CRTC1: variants seen among roughly 807,000 people sequenced by gnomAD.
CRTC1 encodes CREB-regulated transcription coactivator 1.
CRTC1 carries 18 observed loss-of-function variants against 66.1 expected under a neutral mutation model. That is an observed-to-expected ratio of 0.27 (90% confidence interval 0.19 to 0.40). CRTC1 has a LOEUF of 0.40. CRTC1 is among the 10% of genes least tolerant of loss of function. CRTC1 has a pLI of 1.00. For missense variants in CRTC1, 669 were observed against 887.9 expected (o/e 0.75, Z 3.13); for synonymous variants, 416 against 398.8 (o/e 1.04, Z -0.51).
intron 1 of CRTC1, among the ~76,000 whole-genome samples, chr19:18,723,099 C>A (rs182592590): frequency 1.3e-5 from 2 of 152,226 alleles, no homozygotes; most frequent in South Asian, 2.1e-4. Flanking sequence ...GGGCACCACT[C>A]CTGGCTAATT....
chr19:18,718,893 A>T (rs56311076), intron 1 of CRTC1, among the ~76,000 whole-genome samples: 15 of 152,304 alleles, frequency 9.8e-5, no homozygotes, highest in Non-Finnish European at 1.8e-4. Context: ...TATTTTAAAT[A>T]GGATGGAAGC....
At chr19:18,729,247 A>T (rs1275299711) in intron 1 of CRTC1, among the ~76,000 whole-genome samples, 2 of 149,654 alleles carry the variant, frequency 1.3e-5, no homozygotes, top group Non-Finnish European at 3.0e-5. Context: ...AACGTGGTAA[A>T]ACCCTGTCTC....
chr19:18,733,398 G>A (rs572546753), intron 1 of CRTC1, among the ~76,000 whole-genome samples: 7 of 152,328 alleles, frequency 4.6e-5, no homozygotes, highest in Admixed American at 2.6e-4. Flanking sequence ...ACGTGCTCAC[G>A]GCAGACCCTC....
rs991586106 is a variant in CRTC1 at position 18,781,061 on chromosome 19, C to T, written c.*3679C>T. Reference sequence around the variant, plus strand: ...CACCTCGCCCTGAAAACAGCAGCTCCCATCACCTTCACTGGGTCCCGATGG... The same window carrying T: ...CACCTCGCCCTGAAAACAGCAGCTCTCATCACCTTCACTGGGTCCCGATGG... On this transcript the variant is annotated 3_prime_UTR_variant, in exon 14 of 14. Coordinates refer to ENST00000321949, the MANE Select transcript of CRTC1 (RefSeq NM_015321.3). The T allele has an allele frequency of 4.4e-6, 1 of 227,864 alleles. No individual in the cohort carries two copies. The highest frequency in any genetic ancestry group is 1.3e-3 in the Middle Eastern group (1 of 784). 14.1% of individuals were successfully genotyped at this position (227,864 alleles called of 1,614,324 possible). A position where few individuals can be genotyped will look rare whatever the true frequency, so the allele number is the denominator to read the frequency against.
At chr19:18,686,548 TAGAC>T (rs1309822094) in intron 1 of CRTC1, among the ~76,000 whole-genome samples, 3 of 152,112 alleles carry the variant, frequency 2.0e-5, no homozygotes, top group African/African-American at 2.4e-5. Flanking sequence ...TCGGGAGGCT[TAGAC>T]AGAAGAATCG....
Position 18,749,743 on chromosome 19 carries a change from GGGCTGA to G in CRTC1, c.444-33_444-28del, listed in dbSNP as rs756148974. On this transcript the variant is annotated intron_variant, in intron 4 of 13. Transcript: ENST00000321949. The stretch of plus-strand genomic sequence containing the variant: ...TCAGGACTATCGCATTGTCTGCCTT[GGGCTGA>G]GGCTCATTGTCTCTTCCTCCCTCCC... 7 of 1,541,276 alleles carry G rather than the reference GGGCTGA, an allele frequency of 4.5e-6. No individual in the cohort carries two copies. The Admixed American group carries it at 1.2e-4, about 26-fold the overall frequency.
chr19:18,779,124 G>A lies in CRTC1; in HGVS notation c.*1742G>A, dbSNP rs1375420849. The A allele has an allele frequency of 3.0e-5, 7 of 232,478 alleles. No individual in the cohort carries two copies. The highest frequency in any genetic ancestry group is 1.1e-4 in the Admixed American group (2 of 17,748). The allele number at this position is 232,478 out of a possible 1,614,324, so 14.4% of individuals were successfully genotyped here. ...TCTGATCCCCCCAAAACTGCATTGC[G>A]GCTCTCGCTCGCTCCTGCCTGCCGG... On this transcript the variant is annotated 3_prime_UTR_variant, in exon 14 of 14. Coordinates refer to ENST00000321949, the MANE Select transcript of CRTC1 (RefSeq NM_015321.3).
chr19:18,779,639 C>G lies in CRTC1; in HGVS notation c.*2257C>G, dbSNP rs2055065104. The G allele has an allele frequency of 4.5e-6, 1 of 223,426 alleles. No individual in the cohort carries two copies. The highest frequency in any genetic ancestry group is 1.8e-4 in the South Asian group (1 of 5,446). The allele number at this position is 223,426 out of a possible 1,614,324, so 13.8% of individuals were successfully genotyped here. ...ACCTCATACCCCATCCGTCCAACCT[C>G]CGGCGGGCGCCACTGCTTGTCCTCT... On this transcript the variant is annotated 3_prime_UTR_variant, in exon 14 of 14. Transcript: ENST00000321949.
intron 1 of CRTC1, among the ~76,000 whole-genome samples, chr19:18,723,944 G>T (rs879733084): frequency 1.3e-5 from 2 of 152,238 alleles, no homozygotes; most frequent in Non-Finnish European, 2.9e-5. Context: ...GAGGATGCAC[G>T]TTGGCGTGTT....
At chr19:18,725,136 G>GCA (rs1190959748) in intron 1 of CRTC1, among the ~76,000 whole-genome samples, 4 of 152,216 alleles carry the variant, frequency 2.6e-5, no homozygotes, top group African/African-American at 9.6e-5. Context: ...TTTCTTCATA[G>GCA]CACTCTAGGC....
intron 11 of CRTC1, among the ~76,000 whole-genome samples, chr19:18,774,204 A>G (rs1194396686): frequency 6.6e-6 from 1 of 151,958 alleles, no homozygotes; most frequent in East Asian, 1.9e-4. Context: ...ACCTCATCCC[A>G]CCATCTCTTG....
rs543974410 is a variant in CRTC1, at chr19:18,691,801, T to C, written c.126+7973T>C. The stretch of plus-strand genomic sequence containing the variant: ...TGATCTCGGCTCACTGCAACCTCCT[T>C]CTCCCGTGTTCAAGCGATCCTCCTG... On this transcript the variant is annotated intron_variant, in intron 1 of 13. Coordinates refer to ENST00000321949, the MANE Select transcript of CRTC1 (RefSeq NM_015321.3). 2.6e-5 allele frequency among the ~76,000 whole-genome samples: 4 copies of C among 151,834 alleles called. No homozygotes were observed. In the South Asian group the frequency reaches 6.3e-4, roughly 24 times the overall value.
chr19:18,710,208 G>C (rs902830173), intron 1 of CRTC1, among the ~76,000 whole-genome samples: 4 of 152,058 alleles, frequency 2.6e-5, no homozygotes, highest in Admixed American at 2.6e-4. Context: ...CACTCACTCG[G>C]AAGTCTCCCA....
intron 9 of CRTC1, among the ~76,000 whole-genome samples, chr19:18,767,651 C>G (rs1600998054): frequency 6.6e-6 from 1 of 152,314 alleles, no homozygotes; most frequent in African/African-American, 2.4e-5. Context: ...GTGTCTTATT[C>G]AGATCAAGAT....
intron 9 of CRTC1, among the ~76,000 whole-genome samples, chr19:18,767,134 A>C (rs2054753652): frequency 6.6e-6 from 1 of 152,142 alleles, no homozygotes. Flanking sequence ...GTCTTTTTAA[A>C]AACAAAACAA....
chr19:18,742,057 C>T lies in CRTC1; in HGVS notation c.127-853C>T, dbSNP rs373984302. On this transcript the variant is annotated intron_variant, in intron 1 of 13. Coordinates refer to ENST00000321949, the MANE Select transcript of CRTC1 (RefSeq NM_015321.3). The stretch of plus-strand genomic sequence containing the variant: ...GCCCCACCTCTCCTCACGGTGGCTG[C>T]CTCCCCCAGTTGCATGGCAGGCATC... 3.3e-5 allele frequency among the ~76,000 whole-genome samples: 5 copies of T among 152,320 alleles called. No individual in the cohort carries two copies. In the East Asian group the frequency reaches 7.7e-4, roughly 24 times the overall value.
intron 6 of CRTC1, among the ~76,000 whole-genome samples, chr19:18,755,758 G>A (rs746606681): frequency 1.1e-4 from 17 of 151,572 alleles, no homozygotes; most frequent in Non-Finnish European, 2.2e-4. Context: ...GTGAGCTACC[G>A]TGCCCGGCCA....
At chr19:18,702,696 G>A (rs190131489) in intron 1 of CRTC1, among the ~76,000 whole-genome samples, 96 of 151,598 alleles carry the variant, frequency 6.3e-4, no homozygotes, top group African/African-American at 2.3e-3. Context: ...CACCACACCC[G>A]GCTAATTTTG....
At position 18,768,869 on chromosome 19, in the gene CRTC1, G is replaced by A. The variant is rs1395997288; in HGVS notation, c.1320+76G>A. The A allele has an allele frequency of 9.4e-6, 14 of 1,488,564 alleles. No individual in the cohort carries two copies. In the East Asian group the frequency reaches 2.0e-4, roughly 21 times the overall value. The allele number at this position is 1,488,564 out of a possible 1,614,324, so 92.2% of individuals were successfully genotyped here. On this transcript the variant is annotated intron_variant, in intron 10 of 13. Transcript: ENST00000321949. This position sits in a 1 kb window ranked among gnomAD's most constrained non-coding sequence, Gnocchi z 5.6. ...ACAGCCCGGGGGCTGCAGAACAGTCGGGTTACCTGCTGCATGGGCCAGGGG... is the reference window on the plus strand; with the variant it reads ...ACAGCCCGGGGGCTGCAGAACAGTCAGGTTACCTGCTGCATGGGCCAGGGG...
Sources: gnomAD v4.1 joint callset for allele counts (sites outside exome capture counted in the v4.1 genomes callset) on GRCh38, gnomAD v4.1.1 for gene constraint, Gnocchi (gnomAD v3.1) non-coding constraint, MANE v1.5 for transcripts, NCBI Gene and HGNC (gene_info 2026-07-23, HGNC 2026-07-21) for gene names.